The following PDGFD variants were observed in gnomAD, a reference collection of about 807,000 sequenced individuals.
PDGFD encodes platelet-derived growth factor D.
PDGFD carries 30 observed loss-of-function variants against 44.7 expected under a neutral mutation model. That is an observed-to-expected ratio of 0.67 (90% CI 0.50 to 0.91). PDGFD has a LOEUF of 0.91. Among genes scored for constraint, PDGFD ranks in the 40% least tolerant of loss-of-function variants. PDGFD has a pLI of 0.00. For synonymous variants in PDGFD, 173 were observed against 168.4 expected, an observed-to-expected ratio of 1.03 and a Z score of -0.21; for missense variants, 445 against 457.8, an observed-to-expected ratio of 0.97 and a Z score of 0.25.
chr11:104,086,203 G>A (rs1861127530), intron 1 of PDGFD, among the ~76,000 whole-genome samples: 1 of 152,110 alleles, frequency 6.6e-6, no homozygotes, highest in Non-Finnish European at 1.5e-5. Flanking sequence ...AGTGAGTAGA[G>A]TCTATAAGTC....
intron 1 of PDGFD, among the ~76,000 whole-genome samples, chr11:104,160,924 A>T (rs1013237869): frequency 6.6e-6 from 1 of 151,962 alleles, no homozygotes; most frequent in African/African-American, 2.4e-5. Context: ...TTTCTTAGCT[A>T]CTCCAGGTAT....
intron 3 of PDGFD, among the ~76,000 whole-genome samples, chr11:103,976,990 T>C (rs1213289837): frequency 6.6e-6 from 1 of 151,920 alleles, no homozygotes. Flanking sequence ...ATAAACAGAA[T>C]AGAAAATGAT....
At chr11:104,159,704 T>C (rs1862362223) in intron 1 of PDGFD, among the ~76,000 whole-genome samples, 1 of 152,192 alleles carries the variant, frequency 6.6e-6, no homozygotes, top group Non-Finnish European at 1.5e-5. Flanking sequence ...CTGGGCTCCA[T>C]TGTTTGACTC....
chr11:104,030,365 A>G (rs1241660694), intron 1 of PDGFD, among the ~76,000 whole-genome samples: 1 of 152,206 alleles, frequency 6.6e-6, no homozygotes, highest in Non-Finnish European at 1.5e-5. Context: ...GGAGAATAAT[A>G]AAGGCCAGGC....
At chr11:104,026,324 GT>G (rs372905388) in intron 1 of PDGFD, among the ~76,000 whole-genome samples, 122 of 152,222 alleles carry the variant, frequency 8.0e-4, no homozygotes, top group African/African-American at 2.8e-3. Context: ...CAGAAGTGAG[GT>G]TTTTGCACCT....
In PDGFD at chr11:103,909,311, T is replaced by G. The variant is rs991261545; in HGVS notation, c.*383A>C. 6.4e-6 allele frequency: 1 copy of G among 155,958 alleles called. No individual in the cohort carries two copies. Among genetic ancestry groups the G allele is most frequent in the Non-Finnish European group, 1.4e-5 (1 of 70,580 alleles). The allele number at this position is 155,958 out of a possible 1,614,324, so 9.7% of individuals were successfully genotyped here. A position where few individuals can be genotyped will look rare whatever the true frequency, so the allele number is the denominator to read the frequency against. On this transcript the variant is annotated 3_prime_UTR_variant, in exon 7 of 7. Transcript: ENST00000393158. ...TTTTCTAAAGACATGTTTCATATAT[T>G]TGACCATCCCTTATTTTGGCAAAGG...
At chr11:104,151,552 C>G (rs1179864896) in intron 1 of PDGFD, among the ~76,000 whole-genome samples, 1 of 152,126 alleles carries the variant, frequency 6.6e-6, no homozygotes, top group African/African-American at 2.4e-5. Flanking sequence ...AATAATACAT[C>G]ATGCTCAAAG....
chr11:104,026,996 A>T (rs1860051079), intron 1 of PDGFD, among the ~76,000 whole-genome samples: 1 of 152,220 alleles, frequency 6.6e-6, no homozygotes, highest in South Asian at 2.1e-4. Flanking sequence ...TTAGATGAAC[A>T]GATTGTCTTT....
intron 1 of PDGFD, among the ~76,000 whole-genome samples, chr11:104,016,485 G>A (rs1417005135): frequency 6.6e-6 from 1 of 152,224 alleles, no homozygotes; most frequent in Admixed American, 6.5e-5. Flanking sequence ...GCCAGTCATG[G>A]CAAGGGGAAC....
intron 6 of PDGFD, 70 bp downstream of exon 6, chr11:103,926,842 T>A (rs1858322621): frequency 2.1e-6 from 3 of 1,459,930 alleles, no homozygotes. Flanking sequence ...TGAACAACTG[T>A]ATGCAATGGC....
At chr11:104,047,131 A>C (rs1591137786) in intron 1 of PDGFD, among the ~76,000 whole-genome samples, 1 of 147,382 alleles carries the variant, frequency 6.8e-6, no homozygotes, top group Admixed American at 6.8e-5. Flanking sequence ...TTCTTCGTCC[A>C]GTCTATCATT....
At chr11:104,042,958 C>A (rs1478922944) in intron 1 of PDGFD, among the ~76,000 whole-genome samples, 1 of 152,072 alleles carries the variant, frequency 6.6e-6, no homozygotes, top group Non-Finnish European at 1.5e-5. Flanking sequence ...TAGTGTTTTG[C>A]ATTCATACAT....
chr11:103,956,958 T>G (rs972296114), intron 3 of PDGFD, among the ~76,000 whole-genome samples: 26 of 152,296 alleles, frequency 1.7e-4, no homozygotes, highest in South Asian at 4.1e-4. Context: ...CTGGATATTA[T>G]CCCTTTGTCA....
At chr11:104,139,598 T>A (rs1164604622) in intron 1 of PDGFD, among the ~76,000 whole-genome samples, 1 of 152,100 alleles carries the variant, frequency 6.6e-6, no homozygotes, top group Non-Finnish European at 1.5e-5. Flanking sequence ...GGTAACCCAG[T>A]GATTTTTTAC....
chr11:104,104,364 A>G (rs1345862368), intron 1 of PDGFD, among the ~76,000 whole-genome samples: 5 of 152,042 alleles, frequency 3.3e-5, no homozygotes, highest in Admixed American at 3.3e-4. Context: ...TATAGTGTAC[A>G]GTAATGTTCT....
chr11:104,018,989 C>A (rs1176206143), intron 1 of PDGFD, among the ~76,000 whole-genome samples: 1 of 152,144 alleles, frequency 6.6e-6, no homozygotes, highest in African/African-American at 2.4e-5. Flanking sequence ...GCCTTGGGAC[C>A]TCCTTAGAAT....
At chr11:104,143,388 G>A (rs11226206) in intron 1 of PDGFD, among the ~76,000 whole-genome samples, 32,026 of 152,138 alleles carry the variant, frequency 0.21, 3,425 homozygotes, top group East Asian at 0.27. Flanking sequence ...GGGATCTTGA[G>A]CAAATGCTTG....
chr11:104,015,252 G>C (rs1859843626), intron 1 of PDGFD, among the ~76,000 whole-genome samples: 1 of 152,186 alleles, frequency 6.6e-6, no homozygotes, highest in Non-Finnish European at 1.5e-5. Context: ...GTAATCTTCT[G>C]TGAGATTGCT....
At chr11:104,095,352 T>C (rs1487692997) in intron 1 of PDGFD, among the ~76,000 whole-genome samples, 2 of 152,030 alleles carry the variant, frequency 1.3e-5, no homozygotes, top group Non-Finnish European at 2.9e-5. Context: ...GAATTACATA[T>C]AACTTAATAA....
Sources: gnomAD v4.1 joint callset for allele counts (sites outside exome capture counted in the v4.1 genomes callset) on GRCh38, gnomAD v4.1.1 for gene constraint, MANE v1.5 for transcripts, NCBI Gene and HGNC (gene_info 2026-07-23, HGNC 2026-07-21) for gene names.